ETFB: variants seen among roughly 807,000 people sequenced by gnomAD.
ETFB encodes the protein electron transfer flavoprotein subunit beta, also known as beta-ETF.
Under a neutral mutation model 25.6 loss-of-function variants are expected in ETFB, and 20 were observed. The ratio of observed to expected loss-of-function variants is 0.78; its 90% CI spans 0.55 to 1.14. The LOEUF (loss-of-function observed/expected upper bound fraction) is 1.14. ETFB is among the 50% of genes most tolerant of loss of function. The pLI is 0.00. For missense variants in ETFB, 286 were observed against 342.6 expected (o/e 0.83, Z 1.30); for synonymous variants, 142 against 146.7 (o/e 0.97, Z 0.23).
intron 4 of ETFB, 100 bp downstream of exon 4, chr19:51,350,229 C>G: frequency 7.6e-7 from 1 of 1,318,320 alleles, no homozygotes; most frequent in Non-Finnish European, 1.1e-6. Context: ...GAACAGTGTT[C>G]CAGGAGGAGA....
rs1446167385 is a variant in ETFB at position 51,350,363 on chromosome 19, C to T, written c.404G>A (p.Gly135Glu). ...QAIDDDCNQTGQMTAGFLDWP... is the reference protein window; with the variant it reads ...QAIDDDCNQTEQMTAGFLDWP... ...GTCAAGAAATCCAGCTGTCATCTGC[C>T]CTGTCTGGTTACAGTCATCATCGAT... The change falls in exon 4 of 6, where the codon GGG becomes GAG. Residue 135 changes from glycine to glutamate, a missense_variant. Gly to Glu is a moderately conservative substitution (Grantham distance 98). Transcript: ENST00000309244. The T allele has an allele frequency of 6.2e-7, 1 of 1,606,124 alleles. No homozygotes were observed. The highest frequency in any genetic ancestry group is 1.1e-5 in the South Asian group (1 of 90,098).
intron 4 of ETFB, among the ~76,000 whole-genome samples, chr19:51,349,447 C>CTTTT (rs11428639): frequency 5.2e-5 from 7 of 134,158 alleles, no homozygotes; most frequent in Admixed American, 7.5e-5. Flanking sequence ...TGCCTTGCTT[C>CTTTT]TTTTTTTTTT....
rs1381762989 is a variant in ETFB, at chr19:51,347,041, C to T, written c.456G>A (p.Gln152=). ...TCAACTTGTCCCCCTCCAGCGTCACCTGGGAGGCGAATGTGCCCTGGGGAG... is the reference window on the plus strand; with the variant it reads ...TCAACTTGTCCCCCTCCAGCGTCACTTGGGAGGCGAATGTGCCCTGGGGAG... ...LDWPQGTFAS[Q]VTLEGDKLKV... Residue 152 remains glutamine, a synonymous_variant, in exon 5 of 6, where the codon CAG becomes CAA. Transcript: ENST00000309244. 1.2e-6 allele frequency: 2 copies of T among 1,613,948 alleles called. No individual in the cohort carries two copies. Among genetic ancestry groups the T allele is most frequent in the Non-Finnish European group, 1.7e-6 (2 of 1,180,010 alleles).
At chr19:51,352,294 C>G (rs1206425088) in intron 3 of ETFB, among the ~76,000 whole-genome samples, 2 of 152,170 alleles carry the variant, frequency 1.3e-5, no homozygotes, top group African/African-American at 4.8e-5. Context: ...TCCCCAGTGC[C>G]CTCCAAAATT....
At chr19:51,353,920 T>C (rs7251122) in intron 2 of ETFB, among the ~76,000 whole-genome samples, 252 of 5,874 alleles carry the variant, frequency 0.043, 9 homozygotes, top group Middle Eastern at 0.14. Context: ...ATCCCCTCCT[T>C]CCTCAGACCC....
chr19:51,366,206 G>C, intron 1 of ETFB, 64 bp downstream of exon 1: 1 of 1,520,372 alleles, frequency 6.6e-7, no homozygotes, highest in Non-Finnish European at 9.1e-7. Flanking sequence ...CCCAGTGTGC[G>C]CTCGTGGCCC....
Position 51,353,243 on chromosome 19 carries a change from G to C in ETFB, c.264C>G (p.His88Gln). The change falls in exon 3 of 6, where the codon CAC becomes CAG. Residue 88 changes from histidine to glutamine, a missense_variant. Physicochemically the swap from His to Gln is conservative, Grantham distance 24. Transcript: ENST00000309244. ...ALAMGADRGIHVEVPPAEAER... is the reference protein window; with the variant it reads ...ALAMGADRGIQVEVPPAEAER... The stretch of plus-strand genomic sequence containing the variant: ...CTGCTTCTGCTGGGGGCACCTCCAC[G>C]TGGATACCTCGGTCTGCACCCATGG... 1 of 1,614,058 alleles carries C rather than the reference G, an allele frequency of 6.2e-7. No homozygotes were observed. Among genetic ancestry groups the C allele is most frequent in the Non-Finnish European group, 8.5e-7 (1 of 1,179,994 alleles).
rs1411136457 is a variant in ETFB at position 51,354,717 on chromosome 19, C to T, written c.58-409G>A. 2.6e-6 allele frequency: 4 copies of T among 1,547,350 alleles called. No individual in the cohort carries two copies. In the African/African-American group the frequency reaches 4.1e-5, roughly 16 times the overall value. ...AAATGAGGAGAAGAAAAGGAAAAACCAGTTAGGTAGACAGTTAAGGGTGGT... is the reference window on the plus strand; with the variant it reads ...AAATGAGGAGAAGAAAAGGAAAAACTAGTTAGGTAGACAGTTAAGGGTGGT... On this transcript the variant is annotated intron_variant, in intron 1 of 5. Coordinates refer to ENST00000309244, the MANE Select transcript of ETFB (RefSeq NM_001985.3).
chr19:51,356,859 C>G (rs1986091613), intron 1 of ETFB: 1 of 152,174 alleles, frequency 6.6e-6, no homozygotes, highest in South Asian at 2.1e-4. Context: ...GCTGACACTC[C>G]CTGGCTTGTG....
At chr19:51,345,480 G>A in intron 5 of ETFB, 99 bp from the exon 6 acceptor site, 1 of 1,237,752 alleles carries the variant, frequency 8.1e-7, no homozygotes, top group East Asian at 2.5e-5. Context: ...CCAGTCCCAT[G>A]GGCTGAACCC....
intron 1 of ETFB, 28 bp downstream of exon 1, chr19:51,366,242 G>C: frequency 6.2e-7 from 1 of 1,611,374 alleles, no homozygotes. Flanking sequence ...GCGGGACTCA[G>C]GGATGTGGGA....
At position 51,353,285 on chromosome 19, in the gene ETFB, C is replaced by T. The variant is rs548071177; in HGVS notation, c.222G>A (p.Thr74=). 3 of 1,613,984 alleles carry T rather than the reference C, an allele frequency of 1.9e-6. No individual in the cohort carries two copies. The highest frequency in any genetic ancestry group is 2.5e-6 in the Non-Finnish European group (3 of 1,179,988). The change falls in exon 3 of 6, where the codon ACG becomes ACA. Residue 74 remains threonine (T), a synonymous_variant. Coordinates refer to ENST00000309244, the MANE Select transcript of ETFB (RefSeq NM_001985.3). ...VSCGPAQCQE[T]IRTALAMGAD... is the part of the protein sequence containing the mutation. ...CACCCATGGCCAGGGCGGTACGAATCGTCTCCTGCCAAGGACAGAGGGGCT... is the reference window on the plus strand; with the variant it reads ...CACCCATGGCCAGGGCGGTACGAATTGTCTCCTGCCAAGGACAGAGGGGCT...
intron 3 of ETFB, 85 bp downstream of exon 3, chr19:51,353,047 A>T: frequency 1.3e-6 from 2 of 1,556,996 alleles, no homozygotes. Context: ...GGGCCTGGCC[A>T]GCTGCTGTCT....
chr19:51,361,631 C>T (rs1196748052), intron 1 of ETFB: 2 of 151,628 alleles, frequency 1.3e-5, no homozygotes, highest in Non-Finnish European at 1.5e-5. Flanking sequence ...AGTTTCTATC[C>T]TGTGGGGTCA....
intron 3 of ETFB, 69 bp downstream of exon 3, chr19:51,353,063 C>T (rs374542634): frequency 2.8e-5 from 44 of 1,597,350 alleles, no homozygotes; most frequent in Middle Eastern, 3.4e-4. Context: ...TGTCTCACCC[C>T]GTATCTCCAC....
chr19:51,345,618 A>C, intron 5 of ETFB: 1 of 568,966 alleles, frequency 1.8e-6, no homozygotes, highest in Non-Finnish European at 3.2e-6. Flanking sequence ...TAGGTAACCA[A>C]ATCAGGAAGC....
chr19:51,360,419 GA>G (rs1367411888), intron 1 of ETFB, among the ~76,000 whole-genome samples: 149 of 149,472 alleles, frequency 1.0e-3, no homozygotes, highest in Middle Eastern at 3.4e-3. Flanking sequence ...AAAAAGAAAA[GA>G]AAAAAAAAAT....
rs199860339 is a variant in ETFB, at chr19:51,354,306, G to T, written c.60C>A (p.Ile20=). ...CACCGGTCCTGTCAGGCTTCACTCG[G>T]ATCTGCCCAGCAGGAGGGGAAGGGG... ...VKRVIDYAVK[I]RVKPDRTGVV... The change falls in exon 2 of 6, where the codon ATC becomes ATA. Residue 20 remains isoleucine, a splice_region_variant and synonymous_variant. Coordinates refer to ENST00000309244, the MANE Select transcript of ETFB (RefSeq NM_001985.3). 6.2e-7 allele frequency: 1 copy of T among 1,614,142 alleles called. No homozygotes were observed. Among genetic ancestry groups the T allele is most frequent in the East Asian group, 2.2e-5 (1 of 44,882 alleles).
At chr19:51,352,566 C>G (rs192048756) in intron 3 of ETFB, among the ~76,000 whole-genome samples, 23 of 152,264 alleles carry the variant, frequency 1.5e-4, no homozygotes, top group Admixed American at 1.4e-3. Context: ...CCCCATGTGA[C>G]CATCACCTCG....
Sources: gnomAD v4.1 joint callset for allele counts (sites outside exome capture counted in the v4.1 genomes callset) on GRCh38, gnomAD v4.1.1 for gene constraint, MANE v1.5 for transcripts, NCBI Gene and HGNC (gene_info 2026-07-23, HGNC 2026-07-21) for gene names.